Variants in GABRA4 observed in about 807,000 individuals in gnomAD.
GABRA4 encodes the protein gamma-aminobutyric acid type A receptor subunit alpha4.
GABRA4 carries 12 observed loss-of-function variants against 49.7 expected under a neutral mutation model. The ratio of observed to expected loss-of-function variants is 0.24; its 90% CI spans 0.15 to 0.39. GABRA4 has a LOEUF of 0.39. Ranked by LOEUF, GABRA4 falls within the 10% of genes least tolerant of loss-of-function variation. GABRA4 has a pLI of 1.00. For synonymous variants in GABRA4, 288 were observed against 240.2 expected (o/e 1.20, Z -1.84); for missense variants, 506 against 686.0 (o/e 0.74, Z 2.93).
chr4:46,959,758 C>CAAAAAAAAAAAAA (rs67861758), intron 8 of GABRA4, among the ~76,000 whole-genome samples: 2 of 82,690 alleles, frequency 2.4e-5, no homozygotes, highest in Admixed American at 1.5e-4. Context: ...CATCACTTTG[C>CAAAAAAAAAAAAA]AAAAAAAAAA....
intron 8 of GABRA4, among the ~76,000 whole-genome samples, chr4:46,958,592 G>C (rs1180123761): frequency 6.6e-6 from 1 of 151,888 alleles, no homozygotes; most frequent in African/African-American, 2.4e-5. Context: ...ACTCAAATAA[G>C]AACAGGGACA....
In GABRA4 at chr4:46,940,575, T is replaced by C. The variant is rs368340624; in HGVS notation, c.1135-11820A>G. Among the ~76,000 whole-genome samples the C allele has an allele frequency of 2.6e-5, 4 of 152,168 alleles. No individual in the cohort carries two copies. In the South Asian group the frequency reaches 8.3e-4, roughly 32 times the overall value. ...AGTCTTTACCAATGGAAGTAGTCAA[T>C]TGGTCATAAAGCATATGTTGAATTA... On this transcript the variant is annotated intron_variant, in intron 8 of 8. Transcript: ENST00000264318.
intron 8 of GABRA4, among the ~76,000 whole-genome samples, chr4:46,956,600 C>CA (rs1722372001): frequency 6.6e-6 from 1 of 151,930 alleles, no homozygotes; most frequent in Non-Finnish European, 1.5e-5. Flanking sequence ...TTCTGCCCAT[C>CA]AGCCAAGTCC....
chr4:46,978,004 G>A (rs553916058), intron 3 of GABRA4, among the ~76,000 whole-genome samples: 20 of 151,972 alleles, frequency 1.3e-4, no homozygotes, highest in Admixed American at 1.2e-3. Context: ...ACAATTAATC[G>A]TGTAATTGTA....
At chr4:46,976,980 T>A in intron 5 of GABRA4, 81 bp downstream of exon 5, 1 of 781,554 alleles carries the variant, frequency 1.3e-6, no homozygotes, top group East Asian at 2.8e-5. Context: ...AATGTTGGAT[T>A]ATGAAAAATA....
intron 2 of GABRA4, among the ~76,000 whole-genome samples, chr4:46,991,623 A>T (rs975978074): frequency 1.3e-5 from 2 of 152,182 alleles, no homozygotes; most frequent in Non-Finnish European, 2.9e-5. Flanking sequence ...ATCACACAGC[A>T]TCTGATACCA....
intron 2 of GABRA4, among the ~76,000 whole-genome samples, chr4:46,988,686 A>C (rs1490798669): frequency 6.6e-6 from 1 of 152,202 alleles, no homozygotes; most frequent in Admixed American, 6.5e-5. Context: ...AAAAGTTCTT[A>C]TCTCACTTCT....
intron 8 of GABRA4, among the ~76,000 whole-genome samples, chr4:46,937,268 C>A (rs906326743): frequency 1.3e-5 from 2 of 152,156 alleles, no homozygotes; most frequent in African/African-American, 4.8e-5. Context: ...CCTGTTGGAA[C>A]CTTTATCTTA....
At chr4:46,946,845 A>G (rs992541165) in intron 8 of GABRA4, among the ~76,000 whole-genome samples, 1 of 152,122 alleles carries the variant, frequency 6.6e-6, no homozygotes, top group African/African-American at 2.4e-5. Context: ...AGCAATAATA[A>G]AAGTGCAGCA....
chr4:46,974,470 G>T, intron 5 of GABRA4, 95 bp from the exon 6 acceptor site: 1 of 1,149,870 alleles, frequency 8.7e-7, no homozygotes, highest in Non-Finnish European at 1.2e-6. Context: ...CAAGAAAGAT[G>T]GAATAAATGA....
At chr4:46,931,006 T>C (rs1721413329) in intron 8 of GABRA4, among the ~76,000 whole-genome samples, 1 of 151,608 alleles carries the variant, frequency 6.6e-6, no homozygotes, top group Admixed American at 6.6e-5. Flanking sequence ...TTGAGAGTCT[T>C]GGGAGACCAA....
At chr4:46,969,992 A>T (rs16859788) in intron 7 of GABRA4, among the ~76,000 whole-genome samples, 1 of 151,098 alleles carries the variant, frequency 6.6e-6, no homozygotes, top group African/African-American at 2.4e-5. Context: ...GTATACTTCC[A>T]GTACTTTTTC....
chr4:46,950,445 T>C (rs1466703672), intron 8 of GABRA4, among the ~76,000 whole-genome samples: 1 of 152,032 alleles, frequency 6.6e-6, no homozygotes, highest in African/African-American at 2.4e-5. Context: ...TCTTTTGCTG[T>C]TAAAAAGAAG....
chr4:46,965,551 C>A (rs1248484427), intron 7 of GABRA4, among the ~76,000 whole-genome samples: 1 of 151,652 alleles, frequency 6.6e-6, no homozygotes, highest in African/African-American at 2.4e-5. Context: ...AAGCATGTAA[C>A]GCACGTAGCA....
In GABRA4 at chr4:46,921,834, G is replaced by C. The variant is rs1446789657; in HGVS notation, c.*6391C>G. 6.6e-6 allele frequency: 1 copy of C among 152,044 alleles called. No homozygotes were observed. The highest frequency in any genetic ancestry group is 1.5e-5 in the Non-Finnish European group (1 of 67,996). The allele number at this position is 152,044 out of a possible 1,614,324, so 9.4% of individuals were successfully genotyped here. ...CCATATCTGTAATTAACAAGTAATT[G>C]ATGACAAACTATAGTCAGCAGCTTT... On this transcript the variant is annotated 3_prime_UTR_variant, in exon 9 of 9. Transcript: ENST00000264318.
rs1253894465 is a variant in GABRA4 at position 46,925,733 on chromosome 4, TA to T, written c.*2491del. 30 of 109,202 alleles carry T rather than the reference TA, an allele frequency of 2.7e-4. No individual in the cohort carries two copies. The highest frequency in any genetic ancestry group is 9.1e-4 in the African/African-American group (30 of 32,958). 6.8% of individuals were successfully genotyped at this position (109,202 alleles called of 1,614,324 possible). A position where few individuals can be genotyped will look rare whatever the true frequency, so the allele number is the denominator to read the frequency against. On this transcript the variant is annotated 3_prime_UTR_variant, in exon 9 of 9. Coordinates refer to ENST00000264318, the MANE Select transcript of GABRA4 (RefSeq NM_000809.4). ...AACAACATATTATTATTATTATTAT[TA>T]TTATTATTATTATTATTATTATTAT... is the stretch of plus-strand genomic sequence containing the variant.
chr4:46,978,687 CAAAAAAAAAAAA>C (rs71193889), intron 3 of GABRA4, among the ~76,000 whole-genome samples: 8 of 21,648 alleles, frequency 3.7e-4, no homozygotes, highest in Non-Finnish European at 3.5e-4. Flanking sequence ...AACTTCATCT[CAAAAAAAAAAAA>C]AAAAAAAAAA....
chr4:46,956,117 A>G (rs1260869061), intron 8 of GABRA4, among the ~76,000 whole-genome samples: 5 of 152,134 alleles, frequency 3.3e-5, no homozygotes, highest in Non-Finnish European at 5.9e-5. Flanking sequence ...GTAATTGTGC[A>G]TTAAACAATC....
intron 8 of GABRA4, among the ~76,000 whole-genome samples, chr4:46,939,416 A>T (rs1721716543): frequency 6.6e-6 from 1 of 152,014 alleles, no homozygotes; most frequent in Non-Finnish European, 1.5e-5. Context: ...AACCTCACAT[A>T]GTTCCTACAA....
Sources: gnomAD v4.1 joint callset for allele counts (sites outside exome capture counted in the v4.1 genomes callset) on GRCh38, gnomAD v4.1.1 for gene constraint, MANE v1.5 for transcripts, NCBI Gene and HGNC (gene_info 2026-07-23, HGNC 2026-07-21) for gene names.